Variants in HECTD4 observed in about 807,000 individuals in gnomAD.
HECTD4 encodes the protein HECT domain E3 ubiquitin protein ligase 4, also known as probable E3 ubiquitin-protein ligase HECTD4.
Under a neutral mutation model 471.5 loss-of-function variants are expected in HECTD4, and 114 were observed. The ratio of observed to expected loss-of-function variants is 0.24; its 90% CI spans 0.21 to 0.28. The LOEUF (loss-of-function observed/expected upper bound fraction) is 0.28. Ranked by LOEUF, HECTD4 falls within the 10% of genes least tolerant of loss-of-function variation. The pLI is 1.00. For synonymous variants in HECTD4, 2,012 were observed against 2,256.0 expected (o/e 0.89, Z 3.07); for missense variants, 3,866 against 5,651.5 (o/e 0.68, Z 10.13).
rs766888336 is a variant in HECTD4, at chr12:112,269,693, T to C, written c.2321+11A>G. ...TTGCAGAGAGCACTACAAAAATCAT[T>C]AGCTGTTTACCTGATGGCAAGGCAG... On this transcript the variant is annotated intron_variant, in intron 13 of 75. Coordinates refer to ENST00000682272, the MANE Select transcript of HECTD4 (RefSeq NM_001388303.1). 2.9e-5 allele frequency: 47 copies of C among 1,613,526 alleles called. 1 individual carries two copies. Among genetic ancestry groups the C allele is most frequent in the Non-Finnish European group, 3.9e-5 (46 of 1,179,710 alleles).
rs1184533630 is a variant in HECTD4, at chr12:112,167,558, T to A, written c.12313-20A>T. On this transcript the variant is annotated intron_variant, in intron 71 of 75. Transcript: ENST00000682272. ...CTTGCCCTGGAAGTGGAGGTGGGCA[T>A]GAGGTGACCTGGGCGTGGGCCTCTG... The A allele has an allele frequency of 6.5e-7, 1 of 1,544,562 alleles. No homozygotes were observed. The highest frequency in any genetic ancestry group is 1.9e-5 in the Admixed American group (1 of 53,152).
rs985051719 is a variant in HECTD4 at position 112,302,563 on chromosome 12, C to A, written c.1335+3501G>T. 8.6e-6 allele frequency: 6 copies of A among 693,734 alleles called. No homozygotes were observed. In the Admixed American group the frequency reaches 1.2e-4, roughly 14 times the overall value. The allele number at this position is 693,734 out of a possible 1,614,324, so 43.0% of individuals were successfully genotyped here. On this transcript the variant is annotated intron_variant, in intron 7 of 75. Coordinates refer to ENST00000682272, the MANE Select transcript of HECTD4 (RefSeq NM_001388303.1). ...GTCCTGTCCAATACCAAAATTCTTACGCCTTTTCTCAAACAGGGAATTCAC... is the reference window on the plus strand; with the variant it reads ...GTCCTGTCCAATACCAAAATTCTTAAGCCTTTTCTCAAACAGGGAATTCAC...
At chr12:112,168,844 T>C (rs1460344769) in intron 70 of HECTD4, among the ~76,000 whole-genome samples, 2 of 152,198 alleles carry the variant, frequency 1.3e-5, no homozygotes, top group African/African-American at 2.4e-5. Flanking sequence ...GAGTCTGGGC[T>C]GTCAGTGAAC....
At chr12:112,358,077 C>T (rs1365254542) in intron 1 of HECTD4, among the ~76,000 whole-genome samples, 1 of 152,092 alleles carries the variant, frequency 6.6e-6, no homozygotes, top group Non-Finnish European at 1.5e-5. Context: ...GTGGCAGGCA[C>T]CTGTAATCCC....
At chr12:112,169,076 G>C (rs1050801061) in intron 70 of HECTD4, among the ~76,000 whole-genome samples, 7 of 152,322 alleles carry the variant, frequency 4.6e-5, no homozygotes, top group African/African-American at 1.7e-4. Flanking sequence ...TGAATGTCTG[G>C]GGCTAAGCAT....
chr12:112,263,724 T>TATAC (rs777466613), intron 17 of HECTD4, among the ~76,000 whole-genome samples: 121 of 125,114 alleles, frequency 9.7e-4, no homozygotes, highest in African/African-American at 2.0e-3. Context: ...TATATATATA[T>TATAC]ACACACACAC....
At chr12:112,379,795 T>C (rs745994689) in intron 1 of HECTD4, among the ~76,000 whole-genome samples, 5 of 151,754 alleles carry the variant, frequency 3.3e-5, no homozygotes, top group Non-Finnish European at 7.4e-5. Flanking sequence ...TAGCTATCTA[T>C]TTCTCCTGAT....
rs1421868649 is a variant in HECTD4, at chr12:112,381,477, C to A, written c.177+475G>T. Among the ~76,000 whole-genome samples, 3 of 152,104 alleles carry A rather than the reference C, an allele frequency of 2.0e-5. No homozygotes were observed. The highest frequency in any genetic ancestry group is 6.5e-5 in the Admixed American group (1 of 15,270). On this transcript the variant is annotated intron_variant, in intron 1 of 75. Coordinates refer to ENST00000682272, the MANE Select transcript of HECTD4 (RefSeq NM_001388303.1). This position sits in a 1 kb window ranked among gnomAD's most constrained non-coding sequence, Gnocchi z 4.1. ...GCCACTACCCTCTCCCGGAAAAAAA[C>A]CAAACCAAACCAAACAAAAAAAACA...
intron 11 of HECTD4, among the ~76,000 whole-genome samples, chr12:112,272,532 A>C (rs1251404115): frequency 6.6e-6 from 1 of 152,146 alleles, no homozygotes; most frequent in Admixed American, 6.5e-5. Context: ...ACGCGGTTTT[A>C]AACTCTGCTC....
chr12:112,164,238 T>C lies in HECTD4; in HGVS notation c.12572A>G (p.Glu4191Gly), dbSNP rs1157623409. ...CGTGGCCAGGTGCTGGGAGGCGATC[T>C]CAGCGCACAGGGCCTCCAGCTCGGT... ...DETELEALCA[E>G]IASQHLATES... Residue 4191 changes from glutamate (E) to glycine (G), a missense_variant, in exon 73 of 76, where the codon GAG (glutamate) becomes GGG (glycine). Physicochemically the swap from Glu to Gly is moderately conservative, Grantham distance 98 (BLOSUM62 -2). Transcript: ENST00000682272. 1 of 1,613,562 alleles carries C rather than the reference T, an allele frequency of 6.2e-7. No homozygotes were observed. Among genetic ancestry groups the C allele is most frequent in the African/African-American group, 1.3e-5 (1 of 74,912 alleles).
At chr12:112,231,044 A>T (rs1376393936) in intron 39 of HECTD4, 2 of 514,100 alleles carry the variant, frequency 3.9e-6, no homozygotes, top group African/African-American at 3.8e-5. Flanking sequence ...TGGACCTCAA[A>T]CTTTATTTAT....
In HECTD4 at chr12:112,366,014, G is replaced by A. The variant is rs1050368699; in HGVS notation, c.177+15938C>T. Among the ~76,000 whole-genome samples, 4 of 152,098 alleles carry A rather than the reference G, an allele frequency of 2.6e-5. No homozygotes were observed. The South Asian group carries it at 6.2e-4, about 24-fold the overall frequency. The stretch of plus-strand genomic sequence containing the variant: ...TGGTCTCAAACCCCTGGGCTCAGGC[G>A]ATCCACCCGCCTCAGCCTCCCAAAG... On this transcript the variant is annotated intron_variant, in intron 1 of 75. Transcript: ENST00000682272.
intron 6 of HECTD4, among the ~76,000 whole-genome samples, chr12:112,307,736 A>T (rs2035293614): frequency 6.6e-6 from 1 of 152,256 alleles, no homozygotes; most frequent in Non-Finnish European, 1.5e-5. Flanking sequence ...GAAATGTAAC[A>T]TTACACTTAA....
In HECTD4 at chr12:112,313,126, C is replaced by T; in HGVS notation, c.807G>A (p.Gly269=). ...VLYRLLLLEG[G]PGSPSCLLGG... ...CAAGCAAACAGGAGGGAGATCCAGG[C>T]CCCCCTTCCAAAAGCAACAGCCTAT... Residue 269 remains glycine (G), a synonymous_variant, in exon 4 of 76, where the codon GGG becomes GGA. Coordinates refer to ENST00000682272, the MANE Select transcript of HECTD4 (RefSeq NM_001388303.1). The T allele has an allele frequency of 1.3e-6, 2 of 1,534,996 alleles. No individual in the cohort carries two copies. Among genetic ancestry groups the T allele is most frequent in the South Asian group, 1.2e-5 (1 of 83,944 alleles).
At chr12:112,338,912 A>G (rs2036005292) in intron 1 of HECTD4, among the ~76,000 whole-genome samples, 1 of 152,156 alleles carries the variant, frequency 6.6e-6, no homozygotes, top group Admixed American at 6.6e-5. Context: ...GACAGCACCA[A>G]GAATACGCCC....
rs112563818 is a variant in HECTD4 at position 112,193,601 on chromosome 12, G to A, written c.8823C>T (p.Ser2941=). ...LQHCIHSQNC[S]ATDLFYQGNS... The stretch of plus-strand genomic sequence containing the variant: ...TGCCCTGGTAAAAGAGGTCCGTGGC[G>A]GAGCAGTTCTGGGAATGGATGCAAT... The change falls in exon 57 of 76, where the codon TCC becomes TCT. Residue 2941 remains serine (S), a synonymous_variant. Coordinates refer to ENST00000682272, the MANE Select transcript of HECTD4 (RefSeq NM_001388303.1). This position sits in a 1 kb window ranked among gnomAD's most constrained non-coding sequence, Gnocchi z 5.2. 205 of 1,613,080 alleles carry A rather than the reference G, an allele frequency of 1.3e-4. No individual in the cohort carries two copies. The South Asian group carries it at 1.6e-3, about 12-fold the overall frequency.
At chr12:112,226,128 T>C (rs1157095130) in intron 44 of HECTD4, among the ~76,000 whole-genome samples, 1 of 152,146 alleles carries the variant, frequency 6.6e-6, no homozygotes, top group South Asian at 2.1e-4. Flanking sequence ...CTGTTGAAAC[T>C]GGATAATGGA....
intron 1 of HECTD4, among the ~76,000 whole-genome samples, chr12:112,363,804 A>G (rs7970939): frequency 0.46 from 68,854 of 151,004 alleles, 19,888 homozygotes; most frequent in East Asian, 0.9. Context: ...GTGAAACCCC[A>G]TCTCTACTAA....
chr12:112,170,178 C>G (rs2137005326), intron 69 of HECTD4, 155 bp downstream of exon 69: 1 of 1,069,900 alleles, frequency 9.3e-7, no homozygotes, highest in East Asian at 2.6e-5. Context: ...CTGAGGGGAC[C>G]TTCCAGCAGG....
Sources: gnomAD v4.1 joint callset for allele counts (sites outside exome capture counted in the v4.1 genomes callset) on GRCh38, gnomAD v4.1.1 for gene constraint, Gnocchi (gnomAD v3.1) non-coding constraint, MANE v1.5 for transcripts, NCBI Gene and HGNC (gene_info 2026-07-23, HGNC 2026-07-21) for gene names.